The following SORCS3 variants were observed in gnomAD, a reference collection of about 807,000 sequenced individuals.
SORCS3 encodes sortilin related VPS10 domain containing receptor 3.
Under a neutral mutation model 146.3 loss-of-function variants are expected in SORCS3, and 57 were observed. The ratio of observed to expected loss-of-function variants is 0.39; its 90% CI spans 0.31 to 0.49. The LOEUF is 0.49. Among genes scored for constraint, SORCS3 ranks in the 20% least tolerant of loss-of-function variants. The probability of loss-of-function intolerance (pLI) is 0.92; values close to 1 mark genes in which losing one functional copy is unlikely to be tolerated. For synonymous variants in SORCS3, 653 were observed against 618.5 expected (o/e 1.06, Z -0.83); for missense variants, 1,341 against 1,575.5 (o/e 0.85, Z 2.52).
rs377048865 is a variant in SORCS3, at chr10:105,262,431, C to G, written c.3544C>G (p.Leu1182Val). Residue 1182 changes from leucine to valine, a missense_variant, in exon 26 of 27, where the codon CTC becomes GTC. By Grantham distance (32) the Leu-to-Val change is conservative (BLOSUM62 1). Coordinates refer to ENST00000369701, the MANE Select transcript of SORCS3 (RefSeq NM_014978.3). ...AAGTGAAAACGCCCCCAAAATCACA[C>G]TCAGTGACTTTACGGAGCCTGAGGA... ...SQSENAPKIT[L>V]SDFTEPEELL... 2 of 1,614,090 alleles carry G rather than the reference C, an allele frequency of 1.2e-6. No homozygotes were observed. Among genetic ancestry groups the G allele is most frequent in the Non-Finnish European group, 1.7e-6 (2 of 1,179,966 alleles).
At chr10:104,780,238 G>C (rs868415910) in intron 1 of SORCS3, among the ~76,000 whole-genome samples, 1 of 151,864 alleles carries the variant, frequency 6.6e-6, no homozygotes, top group African/African-American at 2.4e-5. Flanking sequence ...CACGCCACAC[G>C]TTCAGCGGCA....
At chr10:104,727,521 C>G (rs1180331925) in intron 1 of SORCS3, among the ~76,000 whole-genome samples, 1 of 141,118 alleles carries the variant, frequency 7.1e-6, no homozygotes, top group Non-Finnish European at 1.5e-5. Flanking sequence ...TTTGTATATT[C>G]TTAGAAGGGA....
At chr10:104,749,430 A>G (rs936889539) in intron 1 of SORCS3, among the ~76,000 whole-genome samples, 2 of 152,076 alleles carry the variant, frequency 1.3e-5, no homozygotes, top group East Asian at 3.9e-4. Context: ...TTCATATTTC[A>G]TGCTTCTTAA....
intron 1 of SORCS3, among the ~76,000 whole-genome samples, chr10:104,772,823 G>A (rs1003877397): frequency 6.6e-6 from 1 of 152,116 alleles, no homozygotes; most frequent in Non-Finnish European, 1.5e-5. Flanking sequence ...TTTTATACCA[G>A]ACTTCTGTTG....
chr10:104,769,270 C>G (rs2017219098), intron 1 of SORCS3, among the ~76,000 whole-genome samples: 2 of 152,182 alleles, frequency 1.3e-5, no homozygotes, highest in Admixed American at 1.3e-4. Flanking sequence ...CCCTACCAGC[C>G]CACAGCCAGA....
At position 104,953,907 on chromosome 10, in the gene SORCS3, C is replaced by T. The variant is rs556081866; in HGVS notation, c.796-23428C>T. On this transcript the variant is annotated intron_variant, in intron 3 of 26. Transcript: ENST00000369701. ...AGCATATTAGCTGGTAAAATAGCAA[C>T]CTAACATAGGACCCAGTGGGGACTC... Among the ~76,000 whole-genome samples, 6 of 152,222 alleles carry T rather than the reference C, an allele frequency of 3.9e-5. No individual in the cohort carries two copies. In the South Asian group the frequency reaches 1.2e-3, roughly 32 times the overall value.
At chr10:104,726,879 G>C (rs2016642361) in intron 1 of SORCS3, among the ~76,000 whole-genome samples, 1 of 152,080 alleles carries the variant, frequency 6.6e-6, no homozygotes, top group South Asian at 2.1e-4. Context: ...GGCTACTTGG[G>C]ATGCAAGACT....
chr10:104,802,780 AG>A (rs1388370049), intron 1 of SORCS3, among the ~76,000 whole-genome samples: 2 of 152,202 alleles, frequency 1.3e-5, no homozygotes, highest in African/African-American at 4.8e-5. Context: ...GAGATCTTGG[AG>A]AGAGAGCATA....
chr10:105,150,943 A>C (rs1003086248), intron 9 of SORCS3, among the ~76,000 whole-genome samples: 1 of 152,312 alleles, frequency 6.6e-6, no homozygotes, highest in East Asian at 1.9e-4. Flanking sequence ...AGTGCCCTTG[A>C]GTAATGCAAC....
chr10:104,793,374 C>T lies in SORCS3; in HGVS notation c.628-49418C>T, dbSNP rs190283421. On this transcript the variant is annotated intron_variant, in intron 1 of 26. Transcript: ENST00000369701. Reference sequence around the variant, plus strand: ...AAAATAATAGAATTTATGCATTGTGCGTGACTATTGAAAGCTTGTTGGGGA... The same window carrying T: ...AAAATAATAGAATTTATGCATTGTGTGTGACTATTGAAAGCTTGTTGGGGA... Among the ~76,000 whole-genome samples the T allele has an allele frequency of 3.7e-4, 56 of 152,148 alleles. No individual in the cohort carries two copies. In the East Asian group the frequency reaches 9.1e-3, roughly 25 times the overall value.
At chr10:105,238,725 G>T (rs2056806988) in intron 20 of SORCS3, among the ~76,000 whole-genome samples, 1 of 152,190 alleles carries the variant, frequency 6.6e-6, no homozygotes, top group African/African-American at 2.4e-5. Context: ...TAATACTTTA[G>T]ACAGATACTG....
chr10:105,147,601 T>C lies in SORCS3; in HGVS notation c.1303-16T>C. ...ATGGAGATCTGCTGCCTTACAAGCC[T>C]TCCATCTTCTTTCAGGACATGCACA... On this transcript the variant is annotated splice_polypyrimidine_tract_variant and intron_variant, in intron 8 of 26. Coordinates refer to ENST00000369701, the MANE Select transcript of SORCS3 (RefSeq NM_014978.3). 6.3e-7 allele frequency: 1 copy of C among 1,597,288 alleles called. No individual in the cohort carries two copies. The highest frequency in any genetic ancestry group is 8.5e-7 in the Non-Finnish European group (1 of 1,170,068).
intron 1 of SORCS3, among the ~76,000 whole-genome samples, chr10:104,698,820 A>G (rs2016247389): frequency 1.3e-5 from 2 of 152,138 alleles, no homozygotes; most frequent in Admixed American, 6.6e-5. Context: ...ATCATGAGCT[A>G]TGAAAACCTT....
At chr10:105,000,444 TC>T (rs1199549190) in intron 4 of SORCS3, among the ~76,000 whole-genome samples, 1 of 152,052 alleles carries the variant, frequency 6.6e-6, no homozygotes, top group Non-Finnish European at 1.5e-5. Flanking sequence ...TGTAGAATAT[TC>T]CCCACCGGTG....
At chr10:104,947,886 A>G (rs891618344) in intron 3 of SORCS3, among the ~76,000 whole-genome samples, 4 of 152,102 alleles carry the variant, frequency 2.6e-5, no homozygotes, top group Admixed American at 2.6e-4. Context: ...AAGTGCTGGG[A>G]TTATAGGTGT....
In SORCS3 at chr10:104,925,470, C is replaced by T. The variant is rs150837815; in HGVS notation, c.795+9538C>T. On this transcript the variant is annotated intron_variant, in intron 3 of 26. Coordinates refer to ENST00000369701, the MANE Select transcript of SORCS3 (RefSeq NM_014978.3). ...AACCATGCTCCAAGCCCATCTGAGG[C>T]GCTGACTGCTTTTTGCCCCTTTTCA... is the stretch of plus-strand genomic sequence containing the variant. Among the ~76,000 whole-genome samples, 422 of 152,304 alleles carry T rather than the reference C, an allele frequency of 2.8e-3. 1 individual carries two copies. The highest frequency in any genetic ancestry group is 9.4e-3 in the African/African-American group (391 of 41,552).
At chr10:104,765,888 C>T (rs188369013) in intron 1 of SORCS3, among the ~76,000 whole-genome samples, 263 of 152,270 alleles carry the variant, frequency 1.7e-3, no homozygotes, top group African/African-American at 5.5e-3. Flanking sequence ...GGGATTCCCA[C>T]CCAGTGAGTC....
At chr10:104,975,441 C>T (rs1325205065) in intron 3 of SORCS3, among the ~76,000 whole-genome samples, 1 of 152,164 alleles carries the variant, frequency 6.6e-6, no homozygotes, top group Non-Finnish European at 1.5e-5. Context: ...ACATTCCATG[C>T]TCATGGGTAG....
intron 2 of SORCS3, among the ~76,000 whole-genome samples, chr10:104,882,104 C>A (rs886889376): frequency 2.0e-5 from 3 of 152,104 alleles, no homozygotes; most frequent in Admixed American, 6.5e-5. Flanking sequence ...GACTGATCTG[C>A]CACTGATTAA....
Sources: allele counts gnomAD v4.1 joint callset (sites outside exome capture counted in the v4.1 genomes callset), GRCh38; gene constraint gnomAD v4.1.1; transcripts MANE v1.5; gene names NCBI Gene and HGNC (gene_info 2026-07-23, HGNC 2026-07-21).